CIMIP2C: variants seen among roughly 807,000 people sequenced by gnomAD.
CIMIP2C encodes the protein UPF0573 protein C2orf70.
chr2:26,567,814 A>G, the CIMIP2C span, among the ~76,000 whole-genome samples: 138 of 152,248 alleles, frequency 9.1e-4, no homozygotes, highest in Non-Finnish European at 1.6e-3. Flanking sequence ...AGAGATTCTG[A>G]TGTCATTGGT....
the CIMIP2C span, among the ~76,000 whole-genome samples, chr2:26,565,862 G>A: frequency 6.6e-6 from 1 of 152,326 alleles, no homozygotes; most frequent in East Asian, 1.9e-4. Flanking sequence ...CTTCAGCCTC[G>A]CCGGCCAGGG....
At chr2:26,577,705 CA>C in the CIMIP2C span, 1 of 1,022,294 alleles carries the variant, frequency 9.8e-7, no homozygotes, top group Non-Finnish European at 1.5e-6. Flanking sequence ...CAGGCATGCA[CA>C]GCACACAGAC....
chr2:26,563,027 C>T, the CIMIP2C span: 2 of 323,388 alleles, frequency 6.2e-6, no homozygotes, highest in Admixed American at 4.8e-5. Context: ...CCCAGGCGGG[C>T]AGCCTCCAGC....
the CIMIP2C span, among the ~76,000 whole-genome samples, chr2:26,565,689 A>G: frequency 3.5e-4 from 53 of 152,266 alleles, no homozygotes; most frequent in Non-Finnish European, 6.5e-4. Flanking sequence ...TATCTGTTCA[A>G]TGGGGATGAT....
chr2:26,574,509 G>A, the CIMIP2C span, among the ~76,000 whole-genome samples: 1 of 152,310 alleles, frequency 6.6e-6, no homozygotes, highest in South Asian at 2.1e-4. Flanking sequence ...TCAAGCCTGG[G>A]AGACATCCAA....
the CIMIP2C span, chr2:26,576,322 G>C: frequency 7.7e-6 from 8 of 1,038,686 alleles, no homozygotes; most frequent in Non-Finnish European, 9.6e-6. Flanking sequence ...AGCCAGCAGA[G>C]AGCATGGTGG....
At chr2:26,576,056 A>T in the CIMIP2C span, 1 of 1,614,156 alleles carries the variant, frequency 6.2e-7, no homozygotes, top group Admixed American at 1.7e-5. Flanking sequence ...CTTCTCCACC[A>T]ACCCCAACCT....
At chr2:26,565,055 TTCTTCTTCCC>T in the CIMIP2C span, among the ~76,000 whole-genome samples, 3 of 150,270 alleles carry the variant, frequency 2.0e-5, no homozygotes, top group Admixed American at 1.3e-4. Context: ...CTCCTTCTCC[TTCTTCTTCCC>T]CTTCCCCTTC....
the CIMIP2C span, chr2:26,575,809 C>CCACA: frequency 6.9e-7 from 1 of 1,457,146 alleles, no homozygotes; most frequent in Non-Finnish European, 9.3e-7. Flanking sequence ...CAGGCATGAG[C>CCACA]CACAGCATCC....
chr2:26,569,732 G>C, the CIMIP2C span, among the ~76,000 whole-genome samples: 3 of 152,132 alleles, frequency 2.0e-5, no homozygotes, highest in African/African-American at 7.2e-5. Flanking sequence ...CAGTCTCCTG[G>C]CTTATGTGGT....
chr2:26,570,526 C>A, the CIMIP2C span, among the ~76,000 whole-genome samples: 1 of 152,188 alleles, frequency 6.6e-6, no homozygotes, highest in African/African-American at 2.4e-5. Flanking sequence ...GGATGATAGT[C>A]CTCTCAGTGA....
chr2:26,578,443 G>C, the CIMIP2C span: 72,938 of 227,380 alleles, frequency 0.32, 13,001 homozygotes, highest in East Asian at 0.62. Context: ...AAAGAAACAG[G>C]CTTCACTGCA....
chr2:26,575,320 C>G, the CIMIP2C span, among the ~76,000 whole-genome samples: 3 of 152,230 alleles, frequency 2.0e-5, no homozygotes, highest in African/African-American at 7.2e-5. Context: ...GTTCACTGAC[C>G]GGGCCCCCCA....
the CIMIP2C span, among the ~76,000 whole-genome samples, chr2:26,574,167 G>A: frequency 2.6e-5 from 4 of 152,226 alleles, no homozygotes. Context: ...CTGGGATGTA[G>A]AGGAGGTGAT....
chr2:26,577,458 GCCTGTGGTCAGT>G, the CIMIP2C span: 1 of 1,442,494 alleles, frequency 6.9e-7, no homozygotes, highest in African/African-American at 1.4e-5. Context: ...GACTGCAGGT[GCCTGTGGTCAGT>G]CCTGTGCACT....
At chr2:26,574,896 C>T in the CIMIP2C span, among the ~76,000 whole-genome samples, 1 of 152,218 alleles carries the variant, frequency 6.6e-6, no homozygotes. Context: ...ATTTCAAGGG[C>T]CTCATGGAGC....
chr2:26,570,733 C>A, the CIMIP2C span, among the ~76,000 whole-genome samples: 1 of 152,182 alleles, frequency 6.6e-6, no homozygotes, highest in Non-Finnish European at 1.5e-5. Flanking sequence ...GCCCAGGGCA[C>A]CTACAGTGCA....
At chr2:26,562,961 G>A in the CIMIP2C span, 2 of 474,908 alleles carry the variant, frequency 4.2e-6, no homozygotes, top group Non-Finnish European at 7.4e-6. Flanking sequence ...TCGCATGGAT[G>A]TAGCCGGGGA....
the CIMIP2C span, among the ~76,000 whole-genome samples, chr2:26,576,509 C>G: frequency 7.9e-5 from 12 of 152,320 alleles, no homozygotes; most frequent in African/African-American, 2.4e-4. Flanking sequence ...TCTCTTGGAT[C>G]TGTGGAATGC....
Sources: gnomAD v4.1 joint callset for allele counts (sites outside exome capture counted in the v4.1 genomes callset) on GRCh38, gnomAD v4.1.1 for gene constraint, MANE v1.5 for transcripts, NCBI Gene and HGNC (gene_info 2026-07-23, HGNC 2026-07-21) for gene names.